The following SUPT16H variants were observed in gnomAD, a reference collection of about 807,000 sequenced individuals.
SUPT16H encodes the protein FACT complex subunit SPT16.
SUPT16H carries 24 observed loss-of-function variants against 136.2 expected under a neutral mutation model. The ratio of observed to expected loss-of-function variants is 0.18; its 90% confidence interval spans 0.13 to 0.25. The LOEUF (loss-of-function observed/expected upper bound fraction) is 0.25. Ranked by LOEUF, SUPT16H falls within the 10% of genes least tolerant of loss-of-function variation. SUPT16H has a pLI of 1.00. For synonymous variants in SUPT16H, 415 were observed against 428.2 expected, an observed-to-expected ratio of 0.97 and a Z score of 0.38; for missense variants, 623 against 1,270.2, an observed-to-expected ratio of 0.49 and a Z score of 7.74.
chr14:21,373,419 A>T lies in SUPT16H; in HGVS notation c.78T>A (p.Asp26Glu). 1 of 1,609,112 alleles carries T rather than the reference A, an allele frequency of 6.2e-7. No individual in the cohort carries two copies. The highest frequency in any genetic ancestry group is 8.5e-7 in the Non-Finnish European group (1 of 1,175,478). ...CAATGGCATCAACGTTGGCATACTC[A>T]TCTTCTCCTTTCTGAAAAGAGTGGG... The part of the protein sequence containing the change: ...RLYSNWRKGE[D>E]EYANVDAIVV... Residue 26 changes from aspartate to glutamate, a missense_variant, in exon 2 of 26, where the codon GAT becomes GAA. Transcript: ENST00000216297.
intron 18 of SUPT16H, among the ~76,000 whole-genome samples, chr14:21,359,864 G>A (rs972602318): frequency 6.6e-6 from 1 of 152,166 alleles, no homozygotes; most frequent in Non-Finnish European, 1.5e-5. Context: ...CTTCATTTTA[G>A]AAAGAGAAAT....
intron 1 of SUPT16H, chr14:21,383,320 G>A: frequency 2.6e-6 from 1 of 386,362 alleles, no homozygotes; most frequent in Non-Finnish European, 4.7e-6. Flanking sequence ...GTAACCCACA[G>A]CAGGGCCTAG....
At chr14:21,366,656 C>CTTTTTT (rs66530934) in intron 7 of SUPT16H, 127 bp from the exon 8 acceptor site, 1,099 of 604,918 alleles carry the variant, frequency 1.8e-3, no homozygotes, top group Middle Eastern at 3.7e-3. Flanking sequence ...AGTCCACTCA[C>CTTTTTT]TTTTTTTTTT....
intron 1 of SUPT16H, among the ~76,000 whole-genome samples, chr14:21,380,738 C>T (rs957810187): frequency 1.3e-5 from 2 of 152,062 alleles, no homozygotes; most frequent in African/African-American, 4.8e-5. Context: ...TCAAGGTCCA[C>T]TCATATCAGA....
At chr14:21,370,512 A>T (rs760169197) in intron 3 of SUPT16H, 24 bp from the exon 4 acceptor site, 1 of 1,612,652 alleles carries the variant, frequency 6.2e-7, no homozygotes, top group Non-Finnish European at 8.5e-7. Context: ...AGGGAAGAAA[A>T]GACACATATG....
At position 21,359,601 on chromosome 14, in the gene SUPT16H, G is replaced by A; in HGVS notation, c.2184C>T (p.Ile728=). 6 of 1,613,660 alleles carry A rather than the reference G, an allele frequency of 3.7e-6. No individual in the cohort carries two copies. The highest frequency in any genetic ancestry group is 5.1e-6 in the Non-Finnish European group (6 of 1,179,898). The change falls in exon 19 of 26, where the codon ATC becomes ATT. Residue 728 remains isoleucine (I), a synonymous_variant. Coordinates refer to ENST00000216297, the MANE Select transcript of SUPT16H (RefSeq NM_007192.4). Reference sequence around the variant, plus strand: ...CCGTGTGCCGCTTCTTCCCAAACATGATGGCATTCTGTCGGCATAAAACAG... The same window carrying A: ...CCGTGTGCCGCTTCTTCCCAAACATAATGGCATTCTGTCGGCATAAAACAG... The part of the protein sequence containing the change: ...IVLHFHLKNA[I]MFGKKRHTDV...
At chr14:21,355,532 A>C (rs937858879) in intron 22 of SUPT16H, among the ~76,000 whole-genome samples, 1 of 147,940 alleles carries the variant, frequency 6.8e-6, no homozygotes, top group African/African-American at 2.4e-5. Flanking sequence ...AAAAAAAAAA[A>C]AAAAGAAAGA....
chr14:21,368,235 C>A, intron 7 of SUPT16H, 34 bp downstream of exon 7: 1 of 1,584,500 alleles, frequency 6.3e-7, no homozygotes, highest in Non-Finnish European at 8.6e-7. Flanking sequence ...TTTTGTTACA[C>A]AACTTTCAAA....
At chr14:21,376,004 A>G (rs563607554) in intron 1 of SUPT16H, among the ~76,000 whole-genome samples, 24 of 152,254 alleles carry the variant, frequency 1.6e-4, no homozygotes, top group Non-Finnish European at 3.1e-4. Flanking sequence ...TTTAGCTGTC[A>G]CAGTTAGGTC....
intron 1 of SUPT16H, chr14:21,383,408 G>A (rs774796187): frequency 2.0e-6 from 1 of 500,838 alleles, no homozygotes; most frequent in Non-Finnish European, 3.5e-6. Flanking sequence ...AACGCTAAAA[G>A]CCCGATTGAC....
chr14:21,368,751 C>T (rs1886725692), intron 6 of SUPT16H, among the ~76,000 whole-genome samples: 1 of 152,070 alleles, frequency 6.6e-6, no homozygotes, highest in Non-Finnish European at 1.5e-5. Flanking sequence ...TGTGAGGAGT[C>T]ACTTATCCAT....
rs1331871974 is a variant in SUPT16H, at chr14:21,360,926, T to C, written c.1976A>G (p.Asn659Ser). 6.2e-7 allele frequency: 1 copy of C among 1,614,072 alleles called. No homozygotes were observed. Among genetic ancestry groups the C allele is most frequent in the Non-Finnish European group, 8.5e-7 (1 of 1,180,046 alleles). ...DSLVINLNRS[N>S]PKLKDLYIRP... is the part of the protein sequence containing the mutation. ...AATGTATAGATCTTTCAGTTTCGGA[T>C]TACTCCGGTTTAGATTGATCACCAG... Residue 659 changes from asparagine (N) to serine (S), a missense_variant, in exon 17 of 26, where the codon AAT becomes AGT. This residue lies in a region of SUPT16H where 62 missense variants were observed against 200.5 expected (regional missense o/e 0.31). Transcript: ENST00000216297.
intron 14 of SUPT16H, 101 bp from the exon 15 acceptor site, chr14:21,362,425 C>T (rs1886576229): frequency 1.8e-6 from 2 of 1,121,418 alleles, no homozygotes; most frequent in Non-Finnish European, 2.5e-6. Flanking sequence ...ATTGACCGCT[C>T]TTAACCTTAA....
At chr14:21,366,720 G>A (rs1886677387) in intron 7 of SUPT16H, among the ~76,000 whole-genome samples, 191 bp from the exon 8 acceptor site, 1 of 148,908 alleles carries the variant, frequency 6.7e-6, no homozygotes, top group Non-Finnish European at 1.5e-5. Flanking sequence ...CATGATTACG[G>A]ATCACTGCAG....
chr14:21,357,867 C>T (rs1886467938), intron 21 of SUPT16H, 60 bp downstream of exon 21: 3 of 1,454,700 alleles, frequency 2.1e-6, no homozygotes, highest in African/African-American at 1.4e-5. Flanking sequence ...ATAAAAAACA[C>T]CTATCCTTCT....
At position 21,363,125 on chromosome 14, in the gene SUPT16H, G is replaced by A; in HGVS notation, c.1420C>T (p.Arg474Ter). 1 of 1,613,472 alleles carries A rather than the reference G, an allele frequency of 6.2e-7. No individual in the cohort carries two copies. The highest frequency in any genetic ancestry group is 8.5e-7 in the Non-Finnish European group (1 of 1,180,000). The change falls in exon 13 of 26, where the codon CGA becomes TGA. Residue 474 changes from arginine to a stop codon, truncating the protein, a stop_gained. Coordinates refer to ENST00000216297, the MANE Select transcript of SUPT16H (RefSeq NM_007192.4). LOFTEE classifies it high-confidence loss of function. ...TRNEMTAEEKRRAHQKELAAQ... is the reference protein window; with the variant it reads ...TRNEMTAEEK ...GCTAGTTCTTTCTGATGTGCTCTTC[G>A]CTTCTCTTCTGCAGTCATTTCATTC...
chr14:21,371,848 A>G, intron 3 of SUPT16H, 26 bp downstream of exon 3: 1 of 1,610,880 alleles, frequency 6.2e-7, no homozygotes, highest in Non-Finnish European at 8.5e-7. Context: ...TTCCACATTT[A>G]TGACACATTC....
At chr14:21,368,546 C>G in intron 6 of SUPT16H, 105 bp from the exon 7 acceptor site, 1 of 1,269,180 alleles carries the variant, frequency 7.9e-7, no homozygotes, top group Non-Finnish European at 1.1e-6. Flanking sequence ...CTGCCATATC[C>G]CAAAGCTGTG....
intron 21 of SUPT16H, among the ~76,000 whole-genome samples, chr14:21,357,631 A>C (rs1886463026): frequency 6.6e-6 from 1 of 152,104 alleles, no homozygotes; most frequent in African/African-American, 2.4e-5. Context: ...AAAAGACATT[A>C]TCTTAAAAAA....
Sources: allele counts gnomAD v4.1 joint callset (sites outside exome capture counted in the v4.1 genomes callset), GRCh38; gene constraint gnomAD v4.1.1; regional missense constraint gnomAD v4.1.1; transcripts MANE v1.5; gene names NCBI Gene and HGNC (gene_info 2026-07-23, HGNC 2026-07-21).